The following GPC5 variants were observed in gnomAD, a reference collection of about 807,000 sequenced individuals.
The protein encoded by GPC5 is glypican-5.
GPC5 carries 47 observed loss-of-function variants against 53.9 expected under a neutral mutation model. The observed-to-expected ratio is 0.87, with a 90% CI of 0.69 to 1.11. The LOEUF is 1.11. GPC5 is among the 50% of genes most tolerant of loss of function. The pLI is 0.00. For synonymous variants in GPC5, 286 were observed against 263.3 expected (o/e 1.09, Z -0.84); for missense variants, 748 against 713.1 (o/e 1.05, Z -0.56).
chr13:92,268,233 CA>C lies in GPC5; in HGVS notation c.1561+123251del, dbSNP rs573377413. ...GATTTCACTCAACTTTTTGAAATTT[CA>C]AAAAAAGGTAAAAAGGAAATTAAAA... On this transcript the variant is annotated intron_variant, in intron 7 of 7. Transcript: ENST00000377067. 1.8e-3 allele frequency among the ~76,000 whole-genome samples: 267 copies of C among 151,498 alleles called. 1 individual carries two copies. Among genetic ancestry groups the C allele is most frequent in the African/African-American group, 6.3e-3 (259 of 41,384 alleles).
At chr13:92,527,172 GAGAAAGAAAGAAGA>G (rs1881343832) in intron 7 of GPC5, among the ~76,000 whole-genome samples, 13 of 60,928 alleles carry the variant, frequency 2.1e-4, no homozygotes, top group Non-Finnish European at 3.9e-4. Context: ...AAGAAAGAAA[GAGAAAGAAAGAAGA>G]AAGAAAGAAA....
chr13:92,399,682 C>T (rs573188878), intron 7 of GPC5, among the ~76,000 whole-genome samples: 194 of 152,242 alleles, frequency 1.3e-3, no homozygotes, highest in African/African-American at 4.4e-3. Flanking sequence ...CACAGCTTCA[C>T]GAGAAGCAAG....
rs186032810 is a variant in GPC5, at chr13:92,197,365, T to C, written c.1561+52376T>C. On this transcript the variant is annotated intron_variant, in intron 7 of 7. Coordinates refer to ENST00000377067, the MANE Select transcript of GPC5 (RefSeq NM_004466.6). ...TATAGAACGTCTATACCTATCTATA[T>C]CTTTATAACTATATTGATCGCTGTA... 1.4e-4 allele frequency among the ~76,000 whole-genome samples: 21 copies of C among 152,330 alleles called. No individual in the cohort carries two copies. In the East Asian group the frequency reaches 3.1e-3, roughly 22 times the overall value.
intron 6 of GPC5, among the ~76,000 whole-genome samples, chr13:92,009,086 T>G (rs2138770229): frequency 6.6e-6 from 1 of 152,314 alleles, no homozygotes; most frequent in Middle Eastern, 3.4e-3. Context: ...TTGAACAAAT[T>G]TATAACAGCT....
At chr13:91,466,599 T>G (rs1219655284) in intron 2 of GPC5, among the ~76,000 whole-genome samples, 1 of 152,078 alleles carries the variant, frequency 6.6e-6, no homozygotes, top group South Asian at 2.1e-4. Flanking sequence ...TTAATATATT[T>G]TAATAGTCTG....
rs398023955 is a variant in GPC5 at position 92,257,546 on chromosome 13, A to ATTTTTTTTTTTTTTTTTTTTTTTTTTT, written c.1561+112578_1561+112579insTTTTTTTTTTTTTTTTTTTTTTTTTTT. 5.1e-4 allele frequency among the ~76,000 whole-genome samples: 37 copies of ATTTTTTTTTTTTTTTTTTTTTTTTTTT among 72,944 alleles called. 9 individuals are homozygous for ATTTTTTTTTTTTTTTTTTTTTTTTTTT. The highest frequency in any genetic ancestry group is 1.7e-3 in the African/African-American group (22 of 12,946). 47.9% of individuals were successfully genotyped at this position (72,944 alleles called of 152,430 possible). A position where few individuals can be genotyped will look rare whatever the true frequency, so the allele number is the denominator to read the frequency against. On this transcript the variant is annotated intron_variant, in intron 7 of 7. Coordinates refer to ENST00000377067, the MANE Select transcript of GPC5 (RefSeq NM_004466.6). ...AGTGAGAGAGGTTTCTAATACAGGGATTTTTTTTTTTTTTTTTTTTTGGGG... is the reference window on the plus strand; with the variant it reads ...AGTGAGAGAGGTTTCTAATACAGGGATTTTTTTTTTTTTTTTTTTTTTTTTTTTTTTTTTTTTTTTTTTTTTTTGGGG...
intron 7 of GPC5, among the ~76,000 whole-genome samples, chr13:92,829,990 A>G (rs533541242): frequency 6.6e-6 from 1 of 152,290 alleles, no homozygotes; most frequent in African/African-American, 2.4e-5. Context: ...AGGTATAAAG[A>G]AAACGAGTCA....
chr13:92,602,218 T>A lies in GPC5; in HGVS notation c.1562-264064T>A, dbSNP rs1391200836. 4.3e-3 allele frequency among the ~76,000 whole-genome samples: 59 copies of A among 13,638 alleles called. 1 individual carries two copies. Among genetic ancestry groups the A allele is most frequent in the Non-Finnish European group, 4.9e-3 (12 of 2,446 alleles). 8.9% of individuals were successfully genotyped at this position (13,638 alleles called of 152,430 possible). ...TATAAATATATATATTACATATATA[T>A]AAATATATATATAACATATATATAT... On this transcript the variant is annotated intron_variant, in intron 7 of 7. Coordinates refer to ENST00000377067, the MANE Select transcript of GPC5 (RefSeq NM_004466.6).
At chr13:91,738,293 GA>G (rs1383540379) in intron 4 of GPC5, among the ~76,000 whole-genome samples, 1 of 151,336 alleles carries the variant, frequency 6.6e-6, no homozygotes, top group African/African-American at 2.5e-5. Flanking sequence ...TAATCAAAAT[GA>G]CAAAAAGTTA....
At chr13:92,353,186 G>A (rs1385943766) in intron 7 of GPC5, among the ~76,000 whole-genome samples, 1 of 148,566 alleles carries the variant, frequency 6.7e-6, no homozygotes, top group African/African-American at 2.5e-5. Flanking sequence ...CGTGAACCCG[G>A]GAAGCGGAGC....
At chr13:91,500,742 G>A (rs1445849026) in intron 2 of GPC5, among the ~76,000 whole-genome samples, 1 of 152,112 alleles carries the variant, frequency 6.6e-6, no homozygotes, top group Non-Finnish European at 1.5e-5. Flanking sequence ...TCTCGATACT[G>A]TATTACAGAC....
intron 6 of GPC5, among the ~76,000 whole-genome samples, chr13:91,943,315 G>C (rs2039945275): frequency 6.6e-6 from 1 of 151,412 alleles, no homozygotes; most frequent in African/African-American, 2.4e-5. Flanking sequence ...TATTATTTTG[G>C]CAATTTTAAG....
chr13:91,738,926 G>T (rs1435113179), intron 4 of GPC5, among the ~76,000 whole-genome samples: 1 of 150,740 alleles, frequency 6.6e-6, no homozygotes, highest in Non-Finnish European at 1.5e-5. Context: ...ATCCTTTCTG[G>T]TGCTCTTGTT....
intron 7 of GPC5, among the ~76,000 whole-genome samples, chr13:92,529,898 C>A (rs1303499857): frequency 6.6e-6 from 1 of 151,990 alleles, no homozygotes; most frequent in African/African-American, 2.4e-5. Flanking sequence ...ACCTGGGCAA[C>A]ATGGAAGAAC....
rs779259362 is a variant in GPC5, at chr13:91,986,061, C to CTTTTTTTTTTTT, written c.1401+78015_1401+78026dup. On this transcript the variant is annotated intron_variant, in intron 6 of 7. Transcript: ENST00000377067. ...ATTTTAAATTTATTCTTAGCCAATA[C>CTTTTTTTTTTTT]TTTTTTTTTTTTTTTTTTTTTTGAG... Among the ~76,000 whole-genome samples, 7 of 95,438 alleles carry CTTTTTTTTTTTT rather than the reference C, an allele frequency of 7.3e-5. 1 individual carries two copies. The highest frequency in any genetic ancestry group is 1.4e-4 in the Admixed American group (1 of 7,384). 62.6% of individuals were successfully genotyped at this position (95,438 alleles called of 152,430 possible).
chr13:91,828,339 ATAGGTAGATAGG>A (rs1290315212), intron 5 of GPC5, among the ~76,000 whole-genome samples: 1 of 129,510 alleles, frequency 7.7e-6, no homozygotes, highest in East Asian at 3.5e-4. Context: ...TCCAATATAG[ATAGGTAGATAGG>A]TAGGTAGGTA....
chr13:92,078,485 A>C (rs2041269989), intron 6 of GPC5, among the ~76,000 whole-genome samples: 1 of 152,178 alleles, frequency 6.6e-6, no homozygotes, highest in Non-Finnish European at 1.5e-5. Context: ...TACCTAGAAC[A>C]ATGCTTGACA....
chr13:92,377,342 T>C (rs964771781), intron 7 of GPC5, among the ~76,000 whole-genome samples: 2 of 152,152 alleles, frequency 1.3e-5, no homozygotes, highest in Admixed American at 6.5e-5. Context: ...ATTCTAAGGA[T>C]TGCTAAGGAT....
At chr13:91,779,667 T>C (rs2037766123) in intron 5 of GPC5, among the ~76,000 whole-genome samples, 1 of 152,188 alleles carries the variant, frequency 6.6e-6, no homozygotes, top group Non-Finnish European at 1.5e-5. Context: ...AGCTGTTTTT[T>C]ACTTTAAAAA....
Sources: gnomAD v4.1 joint callset for allele counts (sites outside exome capture counted in the v4.1 genomes callset) on GRCh38, gnomAD v4.1.1 for gene constraint, MANE v1.5 for transcripts, NCBI Gene and HGNC (gene_info 2026-07-23, HGNC 2026-07-21) for gene names.